Variants in PTGIS observed in about 807,000 individuals in gnomAD.
PTGIS encodes prostaglandin I2 synthase.
A neutral mutation model predicts 50.3 loss-of-function variants in PTGIS; 45 were observed. That is an observed-to-expected ratio of 0.90 (90% CI 0.70 to 1.15). The LOEUF is 1.15. Ranked by LOEUF, PTGIS falls within the 50% of genes most tolerant of loss-of-function variation. The pLI is 0.00. For synonymous variants in PTGIS, 260 were observed against 267.7 expected, an observed-to-expected ratio of 0.97 and a Z score of 0.28; for missense variants, 668 against 661.3, an observed-to-expected ratio of 1.01 and a Z score of -0.11.
At chr20:49,561,498 G>A (rs964129860) in intron 1 of PTGIS, among the ~76,000 whole-genome samples, 33 of 152,304 alleles carry the variant, frequency 2.2e-4, no homozygotes, top group Non-Finnish European at 3.4e-4. Flanking sequence ...AAGTCTCCAC[G>A]TGTCGTGCTG....
Position 49,539,556 on chromosome 20 carries a change from C to A in PTGIS, c.673+14G>T, listed in dbSNP as rs199943260. On this transcript the variant is annotated intron_variant, in intron 5 of 9. Coordinates refer to ENST00000244043, the MANE Select transcript of PTGIS (RefSeq NM_000961.4). ...ATCCTCCCCCCCACCCACTGGGGCC[C>A]CCATGGTGCTTACCCACTGACAGGG... The A allele has an allele frequency of 6.2e-6, 10 of 1,612,596 alleles. No homozygotes were observed. The highest frequency in any genetic ancestry group is 8.5e-6 in the Non-Finnish European group (10 of 1,179,458).
intron 4 of PTGIS, 147 bp downstream of exon 4, chr20:49,544,157 TG>T (rs1488449184): frequency 9.6e-7 from 1 of 1,041,676 alleles, no homozygotes; most frequent in Admixed American, 2.6e-5. Flanking sequence ...CCCTGGTGCA[TG>T]GCGTCTTTCC....
At chr20:49,546,384 C>A (rs1982360479) in intron 3 of PTGIS, among the ~76,000 whole-genome samples, 1 of 152,210 alleles carries the variant, frequency 6.6e-6, no homozygotes, top group East Asian at 1.9e-4. Context: ...AGCAGCTGCC[C>A]CCAGGCCAAG....
At chr20:49,529,578 G>A (rs143921990) in intron 5 of PTGIS, among the ~76,000 whole-genome samples, 1 of 152,202 alleles carries the variant, frequency 6.6e-6, no homozygotes, top group Non-Finnish European at 1.5e-5. Context: ...AACTCCCTAA[G>A]TTTGAAATCG....
chr20:49,528,045 C>T (rs1211314028), intron 5 of PTGIS, among the ~76,000 whole-genome samples: 1 of 152,072 alleles, frequency 6.6e-6, no homozygotes, highest in Non-Finnish European at 1.5e-5. Flanking sequence ...GAGGCTGAGG[C>T]AGCAGAATCA....
At chr20:49,532,172 C>T (rs1401029718) in intron 5 of PTGIS, among the ~76,000 whole-genome samples, 1 of 152,102 alleles carries the variant, frequency 6.6e-6, no homozygotes, top group Non-Finnish European at 1.5e-5. Flanking sequence ...GATGTATTGG[C>T]TTAAATAAAA....
chr20:49,538,606 C>T (rs544002869), intron 5 of PTGIS, among the ~76,000 whole-genome samples: 3 of 152,174 alleles, frequency 2.0e-5, no homozygotes, highest in African/African-American at 7.2e-5. Flanking sequence ...GGCTACCTCG[C>T]AGGGGTGAAT....
chr20:49,558,886 T>C (rs963325463), intron 1 of PTGIS, among the ~76,000 whole-genome samples: 1 of 152,104 alleles, frequency 6.6e-6, no homozygotes, highest in Non-Finnish European at 1.5e-5. Context: ...GCTAGTTTTG[T>C]ATTTTTAGTA....
Position 49,516,286 on chromosome 20 carries a change from G to A in PTGIS, c.856-1891C>T, listed in dbSNP as rs1188049949. Reference sequence around the variant, plus strand: ...TTTAAACTGTTCAAAATTTTTTAATGGACACACTAATTTTAAGTGAAACAG... The same window carrying A: ...TTTAAACTGTTCAAAATTTTTTAATAGACACACTAATTTTAAGTGAAACAG... On this transcript the variant is annotated intron_variant, in intron 6 of 9. Coordinates refer to ENST00000244043, the MANE Select transcript of PTGIS (RefSeq NM_000961.4). Among the ~76,000 whole-genome samples, 3 of 151,888 alleles carry A rather than the reference G, an allele frequency of 2.0e-5. No individual in the cohort carries two copies. In the East Asian group the frequency reaches 5.8e-4, roughly 29 times the overall value.
At chr20:49,518,788 C>G (rs1274248991) in intron 6 of PTGIS, among the ~76,000 whole-genome samples, 1 of 152,152 alleles carries the variant, frequency 6.6e-6, no homozygotes, top group Non-Finnish European at 1.5e-5. Flanking sequence ...CTGTCTGACT[C>G]TCAATACTGT....
At chr20:49,565,172 G>A (rs965271223) in intron 1 of PTGIS, among the ~76,000 whole-genome samples, 2 of 150,446 alleles carry the variant, frequency 1.3e-5, no homozygotes, top group African/African-American at 4.9e-5. Flanking sequence ...TAGTAGCGAT[G>A]AGGTTTCACC....
At chr20:49,520,702 T>A (rs947285331) in intron 6 of PTGIS, among the ~76,000 whole-genome samples, 1 of 152,202 alleles carries the variant, frequency 6.6e-6, no homozygotes, top group Non-Finnish European at 1.5e-5. Flanking sequence ...GGTCTCACTA[T>A]GTCACCCAAG....
At chr20:49,528,188 T>C (rs914067392) in intron 5 of PTGIS, among the ~76,000 whole-genome samples, 4 of 152,044 alleles carry the variant, frequency 2.6e-5, no homozygotes, top group African/African-American at 9.7e-5. Context: ...TCAACCATGG[T>C]CCAAAAATAT....
chr20:49,542,461 T>C (rs1185623280), intron 4 of PTGIS, among the ~76,000 whole-genome samples: 5 of 152,208 alleles, frequency 3.3e-5, no homozygotes. Flanking sequence ...TTACGTCTGA[T>C]TCCCCCTGAG....
intron 3 of PTGIS, 50 bp from the exon 4 acceptor site, chr20:49,544,498 A>C: frequency 6.2e-7 from 1 of 1,609,108 alleles, no homozygotes; most frequent in Non-Finnish European, 8.5e-7. Context: ...AGGGAAATAC[A>C]CACCTACAGG....
chr20:49,558,987 A>C (rs1261624599), intron 1 of PTGIS, among the ~76,000 whole-genome samples: 1 of 152,142 alleles, frequency 6.6e-6, no homozygotes, highest in Admixed American at 6.5e-5. Context: ...TGCTGGGATT[A>C]GAGGCGTGAA....
At chr20:49,567,630 T>G (rs1982932793) in intron 1 of PTGIS, among the ~76,000 whole-genome samples, 1 of 152,194 alleles carries the variant, frequency 6.6e-6, no homozygotes. Context: ...GGGTGCCAGG[T>G]GCAGGCAGAG....
chr20:49,532,326 C>T (rs1294095200), intron 5 of PTGIS, among the ~76,000 whole-genome samples: 1 of 152,020 alleles, frequency 6.6e-6, no homozygotes, highest in Non-Finnish European at 1.5e-5. Context: ...GCAATAGTTA[C>T]CTGGGGATAG....
intron 6 of PTGIS, among the ~76,000 whole-genome samples, chr20:49,514,788 T>C (rs918559030): frequency 1.3e-5 from 2 of 152,228 alleles, no homozygotes; most frequent in Non-Finnish European, 2.9e-5. Context: ...CCTTACCATG[T>C]GAATTTGCTG....
Sources: allele counts gnomAD v4.1 joint callset (sites outside exome capture counted in the v4.1 genomes callset), GRCh38; gene constraint gnomAD v4.1.1; transcripts MANE v1.5; gene names NCBI Gene and HGNC (gene_info 2026-07-23, HGNC 2026-07-21).